Variants in STK31 observed in about 807,000 individuals in gnomAD.
STK31 encodes the protein serine/threonine-protein kinase 31.
A neutral mutation model predicts 129.7 loss-of-function variants in STK31; 89 were observed. The ratio of observed to expected loss-of-function variants is 0.69; its 90% CI spans 0.58 to 0.82. STK31 has a LOEUF of 0.82. STK31 is among the 40% of genes least tolerant of loss of function. STK31 has a pLI of 0.00. For synonymous variants in STK31, 448 were observed against 395.3 expected (o/e 1.13, Z -1.58); for missense variants, 1,187 against 1,176.4 (o/e 1.01, Z -0.13).
At chr7:23,831,374 T>C (rs1456626393) in intron 23 of STK31, among the ~76,000 whole-genome samples, 1 of 152,202 alleles carries the variant, frequency 6.6e-6, no homozygotes, top group Non-Finnish European at 1.5e-5. Context: ...TCTTTGTCAC[T>C]TTTTGCTCTT....
intron 10 of STK31, among the ~76,000 whole-genome samples, chr7:23,761,224 A>G (rs1337037948): frequency 1.3e-5 from 2 of 151,920 alleles, no homozygotes; most frequent in East Asian, 3.9e-4. Context: ...TTTTTTTTCT[A>G]CTACTGCTTG....
chr7:23,742,676 G>A (rs1788118748), intron 8 of STK31, among the ~76,000 whole-genome samples: 1 of 152,288 alleles, frequency 6.6e-6, no homozygotes, highest in Admixed American at 6.5e-5. Context: ...TTCTGGCTAG[G>A]CATGCTTCCT....
In STK31 at chr7:23,729,137, G is replaced by A. The variant is rs754274194; in HGVS notation, c.371G>A (p.Arg124Gln). The change falls in exon 6 of 24, where the codon CGA (arginine) becomes CAA (glutamine). Residue 124 changes from arginine (R) to glutamine (Q), a missense_variant. Arg to Gln is a conservative substitution (Grantham distance 43). Transcript: ENST00000355870. ...TATGGAAATACTGAAATTCTAAATCGATCTGATATAGTTGAAATTCCTTTG... is the reference window on the plus strand; with the variant it reads ...TATGGAAATACTGAAATTCTAAATCAATCTGATATAGTTGAAATTCCTTTG... ...IDYGNTEILN[R>Q]SDIVEIPLEL... is the part of the protein sequence containing the mutation. 1.1e-5 allele frequency: 17 copies of A among 1,610,710 alleles called. No homozygotes were observed. Among genetic ancestry groups the A allele is most frequent in the Non-Finnish European group, 1.4e-5 (16 of 1,179,188 alleles).
At chr7:23,823,171 C>T (rs1052811308) in intron 23 of STK31, among the ~76,000 whole-genome samples, 1 of 152,192 alleles carries the variant, frequency 6.6e-6, no homozygotes, top group Non-Finnish European at 1.5e-5. Context: ...GGAATTGCCA[C>T]ACCGACTTCC....
At position 23,754,468 on chromosome 7, in the gene STK31, A is replaced by G; in HGVS notation, c.1287A>G (p.Glu429=). 4 of 1,608,698 alleles carry G rather than the reference A, an allele frequency of 2.5e-6. No individual in the cohort carries two copies. The highest frequency in any genetic ancestry group is 2.5e-6 in the Non-Finnish European group (3 of 1,178,756). ...SLAQENIKTC[E]YVSEGNILIA... ...CTCAGGAGAATATTAAAACTTGTGA[A>G]TATGTGGTGAGTTGGGAATTTTTCT... The change falls in exon 10 of 24, where the codon GAA becomes GAG. Residue 429 remains glutamate (E), a synonymous_variant. Transcript: ENST00000355870.
At chr7:23,736,589 G>C (rs965428439) in intron 7 of STK31, among the ~76,000 whole-genome samples, 5 of 148,870 alleles carry the variant, frequency 3.4e-5, no homozygotes, top group East Asian at 2.0e-4. Context: ...GATCACGGGG[G>C]GGGGATCACA....
chr7:23,786,801 T>C (rs1270275228), intron 19 of STK31, 37 bp from the exon 20 acceptor site: 3 of 1,591,362 alleles, frequency 1.9e-6, no homozygotes, highest in Non-Finnish European at 2.6e-6. Context: ...TTGAAGAAGT[T>C]TTTACTTGGA....
At chr7:23,760,031 T>A (rs1296310474) in intron 10 of STK31, among the ~76,000 whole-genome samples, 1 of 152,214 alleles carries the variant, frequency 6.6e-6, no homozygotes, top group Non-Finnish European at 1.5e-5. Context: ...TGGGAGGTAG[T>A]TGTTTGTGTG....
rs760659057 is a variant in STK31, at chr7:23,717,534, T to G, written c.204T>G (p.Val68=). The change falls in exon 4 of 24, where the codon GTT becomes GTG. Residue 68 remains valine (V), a synonymous_variant. Transcript: ENST00000355870. ...IMKIGCSLSE[V]CPQASSVLGN... is the part of the protein sequence containing the mutation. Reference sequence around the variant, plus strand: ...AGATTGGTTGCTCACTGTCTGAAGTTTGCCCCCAGGCCAGTTCAGTTTTGG... The same window carrying G: ...AGATTGGTTGCTCACTGTCTGAAGTGTGCCCCCAGGCCAGTTCAGTTTTGG... 3 of 1,613,406 alleles carry G rather than the reference T, an allele frequency of 1.9e-6. No homozygotes were observed. In the African/African-American group the frequency reaches 4.0e-5, roughly 22 times the overall value.
At chr7:23,829,423 A>T (rs1794409515) in intron 23 of STK31, among the ~76,000 whole-genome samples, 6 of 152,096 alleles carry the variant, frequency 3.9e-5, no homozygotes, top group Admixed American at 3.9e-4. Context: ...GATGTGATGG[A>T]TCATGTCGCT....
At chr7:23,795,371 A>C (rs576240003) in intron 22 of STK31, among the ~76,000 whole-genome samples, 11 of 152,290 alleles carry the variant, frequency 7.2e-5, no homozygotes, top group Non-Finnish European at 1.5e-4. Flanking sequence ...GTGGTTTGGG[A>C]ACTTCCACCT....
chr7:23,769,609 G>T (rs1200556819), intron 12 of STK31, 31 bp from the exon 13 acceptor site: 2 of 1,392,802 alleles, frequency 1.4e-6, no homozygotes, highest in Non-Finnish European at 1.0e-6. Context: ...AATTAAATGA[G>T]ATATTTCATG....
Position 23,710,937 on chromosome 7 carries a change from A to C in STK31, c.50+602A>C, listed in dbSNP as rs191719703. Among the ~76,000 whole-genome samples the C allele has an allele frequency of 1.7e-3, 266 of 152,322 alleles. 1 individual carries two copies. Among genetic ancestry groups the C allele is most frequent in the African/African-American group, 6.1e-3 (252 of 41,574 alleles). ...TTATTACAGCTTTTCAGTCAGTTGA[A>C]TTTAAAAACTGCTTTTTGACCAGTA... On this transcript the variant is annotated intron_variant, in intron 1 of 23. Transcript: ENST00000355870.
intron 8 of STK31, among the ~76,000 whole-genome samples, chr7:23,744,845 A>G (rs973806554): frequency 2.0e-5 from 3 of 152,212 alleles, no homozygotes; most frequent in African/African-American, 7.2e-5. Context: ...TGCCAGGCCA[A>G]GTATGCTTGT....
At chr7:23,790,156 A>T (rs1292449637) in intron 21 of STK31, among the ~76,000 whole-genome samples, 1 of 152,190 alleles carries the variant, frequency 6.6e-6, no homozygotes, top group East Asian at 1.9e-4. Flanking sequence ...TAGAAAAAAG[A>T]TAGCACTTAG....
chr7:23,823,404 A>G lies in STK31; in HGVS notation c.2829+8192A>G, dbSNP rs1793911845. ...GCTGCATAAATGTCTTCTTTTGAGAAGTGTCTGTTCATATCCTTCATCCAC... is the reference window on the plus strand; with the variant it reads ...GCTGCATAAATGTCTTCTTTTGAGAGGTGTCTGTTCATATCCTTCATCCAC... On this transcript the variant is annotated intron_variant, in intron 23 of 23. Coordinates refer to ENST00000355870, the MANE Select transcript of STK31 (RefSeq NM_031414.5). 2.6e-5 allele frequency among the ~76,000 whole-genome samples: 4 copies of G among 152,264 alleles called. No individual in the cohort carries two copies. In the South Asian group the frequency reaches 8.3e-4, roughly 32 times the overall value.
chr7:23,742,451 T>C (rs1562564801), intron 8 of STK31, among the ~76,000 whole-genome samples: 1 of 152,218 alleles, frequency 6.6e-6, no homozygotes, highest in Non-Finnish European at 1.5e-5. Flanking sequence ...CTGAGGCTGC[T>C]CCAGACTTGG....
At chr7:23,759,697 T>A (rs998155843) in intron 10 of STK31, among the ~76,000 whole-genome samples, 14 of 152,242 alleles carry the variant, frequency 9.2e-5, no homozygotes, top group African/African-American at 3.4e-4. Flanking sequence ...CTTGGTAATG[T>A]GATAAAATAT....
intron 22 of STK31, among the ~76,000 whole-genome samples, chr7:23,799,370 A>G (rs1584467469): frequency 1.3e-5 from 2 of 152,226 alleles, no homozygotes; most frequent in Admixed American, 6.5e-5. Flanking sequence ...CCAAAATAGC[A>G]TGGTACCGGT....
Sources: gnomAD v4.1 joint callset for allele counts (sites outside exome capture counted in the v4.1 genomes callset) on GRCh38, gnomAD v4.1.1 for gene constraint, MANE v1.5 for transcripts, NCBI Gene and HGNC (gene_info 2026-07-23, HGNC 2026-07-21) for gene names.